Variants in NCAM2 observed in about 807,000 individuals in gnomAD.
NCAM2 encodes the protein neural cell adhesion molecule 2.
Under a neutral mutation model 98.1 loss-of-function variants are expected in NCAM2, and 30 were observed. The ratio of observed to expected loss-of-function variants is 0.31; its 90% CI spans 0.23 to 0.41. The LOEUF (loss-of-function observed/expected upper bound fraction) is 0.41, where lower values mean the gene tolerates loss of function less well. Among genes scored for constraint, NCAM2 ranks in the 10% least tolerant of loss-of-function variants. The pLI is 1.00. For synonymous variants in NCAM2, 368 were observed against 342.4 expected (o/e 1.07, Z -0.83); for missense variants, 867 against 1,005.8 (o/e 0.86, Z 1.87).
At chr21:21,292,471 T>C (rs928751187) in intron 5 of NCAM2, among the ~76,000 whole-genome samples, 10 of 151,900 alleles carry the variant, frequency 6.6e-5, no homozygotes, top group Non-Finnish European at 1.5e-4. Flanking sequence ...TCAAATAGGC[T>C]ATATGTGAGT....
At chr21:21,118,148 C>G (rs2066600895) in intron 1 of NCAM2, among the ~76,000 whole-genome samples, 1 of 152,126 alleles carries the variant, frequency 6.6e-6, no homozygotes, top group South Asian at 2.1e-4. Context: ...AGAATATGTT[C>G]TTCTAATGAA....
At chr21:21,181,178 G>T (rs940438473) in intron 1 of NCAM2, among the ~76,000 whole-genome samples, 5 of 152,088 alleles carry the variant, frequency 3.3e-5, no homozygotes, top group African/African-American at 1.2e-4. Context: ...CCATTGTCTT[G>T]AGATTTGCTG....
At chr21:21,166,815 C>A (rs536082940) in intron 1 of NCAM2, among the ~76,000 whole-genome samples, 7 of 152,276 alleles carry the variant, frequency 4.6e-5, no homozygotes, top group Middle Eastern at 3.4e-3. Flanking sequence ...AAACCACTCT[C>A]TTCCTGCTAC....
chr21:21,077,039 T>C (rs1257832931), intron 1 of NCAM2, among the ~76,000 whole-genome samples: 2 of 152,100 alleles, frequency 1.3e-5, no homozygotes, highest in East Asian at 3.9e-4. Context: ...GTCAGAAAAG[T>C]GAGGTTTTGA....
At chr21:21,416,001 C>T (rs2076987463) in intron 10 of NCAM2, among the ~76,000 whole-genome samples, 1 of 152,156 alleles carries the variant, frequency 6.6e-6, no homozygotes, top group Admixed American at 6.5e-5. Flanking sequence ...ACATTTACCA[C>T]TTGGCTGTTT....
intron 3 of NCAM2, among the ~76,000 whole-genome samples, chr21:21,285,675 T>C (rs185585091): frequency 5.4e-4 from 82 of 152,070 alleles, no homozygotes; most frequent in Non-Finnish European, 8.8e-4. Flanking sequence ...TGTTCACTCA[T>C]TCATTCATTC....
intron 6 of NCAM2, among the ~76,000 whole-genome samples, chr21:21,335,296 T>C (rs2826807): frequency 0.57 from 86,248 of 151,924 alleles, 24,677 homozygotes; most frequent in Admixed American, 0.65. Flanking sequence ...ATTCTTGTGT[T>C]TACATTCAAA....
intron 1 of NCAM2, among the ~76,000 whole-genome samples, chr21:21,268,978 T>G (rs1015991669): frequency 6.6e-6 from 1 of 152,122 alleles, no homozygotes; most frequent in African/African-American, 2.4e-5. Flanking sequence ...AACCTGAGAT[T>G]ATTAGACTAG....
intron 1 of NCAM2, among the ~76,000 whole-genome samples, chr21:21,129,880 G>A (rs2066900721): frequency 6.6e-6 from 1 of 152,144 alleles, no homozygotes; most frequent in Admixed American, 6.5e-5. Flanking sequence ...GATATGTAAT[G>A]TTAGAAAATG....
intron 1 of NCAM2, among the ~76,000 whole-genome samples, chr21:21,153,141 T>C (rs1382051322): frequency 1.3e-5 from 2 of 151,694 alleles, no homozygotes; most frequent in Non-Finnish European, 2.9e-5. Context: ...GAGTCAACTA[T>C]ACCGTCATGG....
intron 1 of NCAM2, among the ~76,000 whole-genome samples, chr21:21,001,477 C>G (rs951550926): frequency 2.0e-5 from 3 of 152,180 alleles, no homozygotes; most frequent in Non-Finnish European, 2.9e-5. Context: ...AACTTGGTCA[C>G]AGGCTTTGTA....
rs10540758 is a variant in NCAM2, at chr21:21,136,464, C to CT, written c.55+137860dup. Among the ~76,000 whole-genome samples, 710 of 146,814 alleles carry CT rather than the reference C, an allele frequency of 4.8e-3. 9 individuals are homozygous for CT. Among genetic ancestry groups the CT allele is most frequent in the South Asian group, 0.04 (184 of 4,596 alleles). Reference sequence around the variant, plus strand: ...AAATTGTACTCTACTCAATTTATCTCTTTTTTTTTTTTTTGGAGACGGAGT... The same window carrying CT: ...AAATTGTACTCTACTCAATTTATCTCTTTTTTTTTTTTTTTGGAGACGGAGT... On this transcript the variant is annotated intron_variant, in intron 1 of 17. Coordinates refer to ENST00000400546, the MANE Select transcript of NCAM2 (RefSeq NM_004540.5).
At chr21:21,299,585 C>T (rs1024455636) in intron 5 of NCAM2, among the ~76,000 whole-genome samples, 5 of 151,390 alleles carry the variant, frequency 3.3e-5, no homozygotes, top group African/African-American at 1.2e-4. Context: ...CTCTTTCTCT[C>T]CTTCCCTCCT....
At chr21:21,171,530 T>G (rs1342903754) in intron 1 of NCAM2, among the ~76,000 whole-genome samples, 14 of 152,200 alleles carry the variant, frequency 9.2e-5, no homozygotes, top group Admixed American at 9.2e-4. Context: ...CTCTGGAGTG[T>G]ACCTTGTAGC....
chr21:21,280,553 T>A, intron 1 of NCAM2, 25 bp from the exon 2 acceptor site: 1 of 1,525,070 alleles, frequency 6.6e-7, no homozygotes, highest in Non-Finnish European at 9.0e-7. Context: ...AAATCACCAT[T>A]AATTGTTTCC....
intron 9 of NCAM2, among the ~76,000 whole-genome samples, chr21:21,394,285 T>C (rs2076448119): frequency 6.6e-6 from 1 of 152,032 alleles, no homozygotes; most frequent in Non-Finnish European, 1.5e-5. Flanking sequence ...GAGAACTGGA[T>C]CTATGAAATC....
At chr21:21,411,596 T>C (rs1405783806) in intron 10 of NCAM2, among the ~76,000 whole-genome samples, 1 of 152,176 alleles carries the variant, frequency 6.6e-6, no homozygotes, top group Non-Finnish European at 1.5e-5. Flanking sequence ...AAAATGATCA[T>C]CACCCTTTCC....
intron 9 of NCAM2, among the ~76,000 whole-genome samples, chr21:21,405,890 A>G (rs531910862): frequency 6.6e-6 from 1 of 152,200 alleles, no homozygotes; most frequent in Non-Finnish European, 1.5e-5. Flanking sequence ...TGATTAACTT[A>G]CCTGCCCATT....
intron 15 of NCAM2, among the ~76,000 whole-genome samples, chr21:21,496,846 C>T (rs1987275946): frequency 6.6e-6 from 1 of 151,986 alleles, no homozygotes; most frequent in Admixed American, 6.6e-5. Flanking sequence ...GCCAGTTATC[C>T]CAGCATCATA....
Sources: allele counts gnomAD v4.1 joint callset (sites outside exome capture counted in the v4.1 genomes callset), GRCh38; gene constraint gnomAD v4.1.1; transcripts MANE v1.5; gene names NCBI Gene and HGNC (gene_info 2026-07-23, HGNC 2026-07-21).